ATP2B2: variants seen among roughly 807,000 people sequenced by gnomAD.
ATP2B2 encodes the protein ATPase plasma membrane Ca2+ transporting 2, also known as plasma membrane calcium-transporting ATPase 2.
ATP2B2 carries 15 observed loss-of-function variants against 120.0 expected under a neutral mutation model. That is an observed-to-expected ratio of 0.12 (90% CI 0.08 to 0.19). ATP2B2 has a LOEUF of 0.19. ATP2B2 is among the 10% of genes least tolerant of loss of function. The pLI, the probability that ATP2B2 is intolerant of heterozygous loss-of-function variation, is 1.00. For synonymous variants in ATP2B2, 694 were observed against 700.3 expected (o/e 0.99, Z 0.14); for missense variants, 1,045 against 1,719.8 (o/e 0.61, Z 6.94).
intron 1 of ATP2B2, among the ~76,000 whole-genome samples, chr3:10,643,876 A>G (rs1211565732): frequency 6.6e-6 from 1 of 152,206 alleles, no homozygotes; most frequent in African/African-American, 2.4e-5. Context: ...AGATCAAAGT[A>G]TACATCAGAC....
intron 17 of ATP2B2, 60 bp from the exon 18 acceptor site, chr3:10,345,635 A>T (rs1476052377): frequency 2.9e-5 from 44 of 1,511,904 alleles, no homozygotes; most frequent in Non-Finnish European, 3.7e-5. Context: ...CACTTCTAGC[A>T]TCACCATCCT....
chr3:10,644,509 C>G (rs2070265760), intron 1 of ATP2B2, among the ~76,000 whole-genome samples: 1 of 152,100 alleles, frequency 6.6e-6, no homozygotes, highest in Non-Finnish European at 1.5e-5. Context: ...GGAAGCAACC[C>G]GAATGTTCAT....
intron 1 of ATP2B2, among the ~76,000 whole-genome samples, chr3:10,680,319 G>A (rs962204685): frequency 1.3e-5 from 2 of 151,928 alleles, no homozygotes; most frequent in African/African-American, 4.8e-5. Flanking sequence ...GGTTTCTGAG[G>A]GTTCTGGAGG....
rs1372175979 is a variant in ATP2B2, at chr3:10,385,329, T to C, written c.941-2A>G. On this transcript the variant is annotated splice_acceptor_variant, in intron 7 of 22. Coordinates refer to ENST00000360273, the MANE Select transcript of ATP2B2 (RefSeq NM_001001331.4). LOFTEE classifies it high-confidence loss of function. ...TTGAAGCTGCCGCACCGTCTGCTGC[T>C]GCAGGGGGGTGGGAGGGATGGAAAA... 1.9e-6 allele frequency: 3 copies of C among 1,613,404 alleles called. No individual in the cohort carries two copies. The highest frequency in any genetic ancestry group is 1.7e-6 in the Non-Finnish European group (2 of 1,179,894).
intron 1 of ATP2B2, among the ~76,000 whole-genome samples, chr3:10,675,523 T>G (rs934351144): frequency 6.6e-6 from 1 of 152,174 alleles, no homozygotes; most frequent in Admixed American, 6.5e-5. Flanking sequence ...GAGGCTCTGG[T>G]GCAGTCCTGG....
At chr3:10,553,556 A>G (rs2067713161) in intron 2 of ATP2B2, among the ~76,000 whole-genome samples, 1 of 152,226 alleles carries the variant, frequency 6.6e-6, no homozygotes, top group Non-Finnish European at 1.5e-5. Context: ...AGGGACATAC[A>G]GTCATACTAC....
rs144302314 is a variant in ATP2B2 at position 10,683,551 on chromosome 3, A to G, written c.-460+24364T>C. Among the ~76,000 whole-genome samples, 252 of 151,924 alleles carry G rather than the reference A, an allele frequency of 1.7e-3. 2 individuals carry two copies. The highest frequency in any genetic ancestry group is 5.6e-3 in the African/African-American group (234 of 41,420). The stretch of plus-strand genomic sequence containing the variant: ...CAGTCCCCAAGAGAGGCACCAGATC[A>G]GTTATTTCTAGGTTGCTAGCAATGA... On this transcript the variant is annotated intron_variant, in intron 1 of 21. Coordinates refer to the ATP2B2 transcript ENST00000646379.
chr3:10,678,671 G>T (rs1032142068), intron 1 of ATP2B2, among the ~76,000 whole-genome samples: 11 of 152,184 alleles, frequency 7.2e-5, no homozygotes, highest in Admixed American at 1.3e-4. Flanking sequence ...CTTGAATTGG[G>T]ATCCCGGCCC....
At chr3:10,387,719 A>T (rs2124868885) in intron 6 of ATP2B2, among the ~76,000 whole-genome samples, 1 of 152,304 alleles carries the variant, frequency 6.6e-6, no homozygotes, top group Non-Finnish European at 1.5e-5. Flanking sequence ...TCTTATTTTC[A>T]AGGAGGAGGA....
At chr3:10,351,399 C>T (rs368175681) in intron 14 of ATP2B2, among the ~76,000 whole-genome samples, 1 of 152,216 alleles carries the variant, frequency 6.6e-6, no homozygotes. Context: ...ATAATATTTG[C>T]TGCAGAACGT....
intron 3 of ATP2B2, among the ~76,000 whole-genome samples, chr3:10,518,405 T>C (rs150783558): frequency 1.3e-5 from 2 of 152,124 alleles, no homozygotes; most frequent in African/African-American, 4.8e-5. Context: ...GGAGGCTTGA[T>C]CCGATCTGGA....
At chr3:10,665,037 A>T (rs1039771216) in intron 1 of ATP2B2, among the ~76,000 whole-genome samples, 1 of 152,152 alleles carries the variant, frequency 6.6e-6, no homozygotes, top group African/African-American at 2.4e-5. Context: ...CAGCCTAGGC[A>T]ACCATGGTGG....
chr3:10,341,007 A>G (rs1238461718), intron 19 of ATP2B2, among the ~76,000 whole-genome samples: 1 of 152,166 alleles, frequency 6.6e-6, no homozygotes, highest in Non-Finnish European at 1.5e-5. Context: ...CATGGCTTCT[A>G]AAAAGTGACC....
chr3:10,639,317 A>G (rs536875178), intron 1 of ATP2B2, among the ~76,000 whole-genome samples: 2 of 152,348 alleles, frequency 1.3e-5, no homozygotes, highest in East Asian at 3.9e-4. Flanking sequence ...CTACTATAAC[A>G]AAATACAATT....
At chr3:10,418,525 G>GA (rs1395919746) in intron 2 of ATP2B2, among the ~76,000 whole-genome samples, 1 of 152,152 alleles carries the variant, frequency 6.6e-6, no homozygotes, top group Non-Finnish European at 1.5e-5. Context: ...GCCCAACTGG[G>GA]AGGGACTCAA....
intron 12 of ATP2B2, among the ~76,000 whole-genome samples, chr3:10,363,788 A>G (rs1368504751): frequency 6.6e-6 from 1 of 152,228 alleles, no homozygotes. Flanking sequence ...GGGAATCTAA[A>G]ATGGTACAGC....
chr3:10,564,532 G>T (rs1053294540), intron 2 of ATP2B2, among the ~76,000 whole-genome samples: 1 of 151,592 alleles, frequency 6.6e-6, no homozygotes, highest in Non-Finnish European at 1.5e-5. Flanking sequence ...TGTCTAAAAC[G>T]TTCCCTTCCC....
At chr3:10,403,249 C>T (rs2062290074) in intron 3 of ATP2B2, among the ~76,000 whole-genome samples, 1 of 152,216 alleles carries the variant, frequency 6.6e-6, no homozygotes, top group African/African-American at 2.4e-5. Flanking sequence ...TGTCAGACGT[C>T]AGCTGAGGAG....
Position 10,340,744 on chromosome 3 carries a change from T to A in ATP2B2, c.2918-40A>T. ...AGTGGGGCTGGGCTGAAGGCAGTGGTGGGGGAATCAGAGGGGAGATGCCTG... is the reference window on the plus strand; with the variant it reads ...AGTGGGGCTGGGCTGAAGGCAGTGGAGGGGGAATCAGAGGGGAGATGCCTG... On this transcript the variant is annotated intron_variant, in intron 19 of 22. Transcript: ENST00000360273. The surrounding 1 kb of genome is among the most constrained non-coding windows in gnomAD (Gnocchi z 5.0). The A allele has an allele frequency of 6.2e-7, 1 of 1,607,574 alleles. No homozygotes were observed. The highest frequency in any genetic ancestry group is 8.5e-7 in the Non-Finnish European group (1 of 1,174,844).
Sources: gnomAD v4.1 joint callset for allele counts (sites outside exome capture counted in the v4.1 genomes callset) on GRCh38, gnomAD v4.1.1 for gene constraint, Gnocchi (gnomAD v3.1) non-coding constraint, MANE v1.5 for transcripts, NCBI Gene and HGNC (gene_info 2026-07-23, HGNC 2026-07-21) for gene names.